The following CHAF1B variants were observed in gnomAD, a reference collection of about 807,000 sequenced individuals.
CHAF1B encodes the protein chromatin assembly factor 1 subunit B.
A neutral mutation model predicts 60.7 loss-of-function variants in CHAF1B; 10 were observed. The observed-to-expected ratio is 0.16, with a 90% CI of 0.10 to 0.28. The LOEUF (loss-of-function observed/expected upper bound fraction) is 0.28, where lower values mean the gene tolerates loss of function less well. CHAF1B is among the 10% of genes least tolerant of loss of function. The probability of loss-of-function intolerance (pLI) is 1.00; values close to 1 mark genes in which losing one functional copy is unlikely to be tolerated. For missense variants in CHAF1B, 558 were observed against 708.4 expected (o/e 0.79, Z 2.41); for synonymous variants, 261 against 266.1 (o/e 0.98, Z 0.19).
At chr21:36,408,095 G>A (rs978466173) in intron 8 of CHAF1B, among the ~76,000 whole-genome samples, 5 of 152,196 alleles carry the variant, frequency 3.3e-5, no homozygotes, top group Admixed American at 1.3e-4. Context: ...GTAAAGTTAC[G>A]TGTGTGTATA....
intron 12 of CHAF1B, among the ~76,000 whole-genome samples, chr21:36,413,620 C>A (rs144967460): frequency 1.3e-4 from 20 of 152,296 alleles, no homozygotes; most frequent in Admixed American, 1.1e-3. Context: ...CCTTCATCTC[C>A]GGCCTAGTCC....
chr21:36,388,651 G>C (rs1470742858), intron 3 of CHAF1B, among the ~76,000 whole-genome samples: 2 of 152,018 alleles, frequency 1.3e-5, no homozygotes, highest in Non-Finnish European at 2.9e-5. Context: ...ATTTTTAGTA[G>C]AGATGGGGTT....
chr21:36,396,114 C>T (rs1394208091), intron 5 of CHAF1B, among the ~76,000 whole-genome samples: 1 of 151,652 alleles, frequency 6.6e-6, no homozygotes, highest in Non-Finnish European at 1.5e-5. Context: ...ATTCTCCTGC[C>T]TCAGCCCTCA....
At position 36,416,694 on chromosome 21, in the gene CHAF1B, G is replaced by A; in HGVS notation, c.*328G>A. ...CTCGTGAAAGTGCACACACTTCATG[G>A]AGGGACTCCTTTTCAATAAGAATTA... On this transcript the variant is annotated 3_prime_UTR_variant, in exon 14 of 14. Transcript: ENST00000314103. 4.8e-6 allele frequency: 1 copy of A among 207,686 alleles called. No homozygotes were observed. The allele number at this position is 207,686 out of a possible 1,614,324, so 12.9% of individuals were successfully genotyped here. A position where few individuals can be genotyped will look rare whatever the true frequency, so the allele number is the denominator to read the frequency against.
chr21:36,406,533 G>T lies in CHAF1B; in HGVS notation c.758-2228G>T, dbSNP rs575734721. ...ACTTCTGATCTCAGGTGATCCACCC[G>T]CCTCAGCCTCCCAAAGTGCTGGGAT... On this transcript the variant is annotated intron_variant, in intron 8 of 13. Transcript: ENST00000314103. Among the ~76,000 whole-genome samples the T allele has an allele frequency of 9.9e-5, 15 of 152,168 alleles. No individual in the cohort carries two copies. The South Asian group carries it at 2.9e-3, about 29-fold the overall frequency.
chr21:36,399,480 C>A, intron 6 of CHAF1B, 41 bp from the exon 7 acceptor site: 1 of 1,524,290 alleles, frequency 6.6e-7, no homozygotes, highest in South Asian at 1.1e-5. Flanking sequence ...AAGCATAATT[C>A]ATTTACTAGA....
At chr21:36,415,857 A>G (rs1311568948) in intron 13 of CHAF1B, 1 of 353,008 alleles carries the variant, frequency 2.8e-6, no homozygotes, top group East Asian at 9.0e-5. Flanking sequence ...CGTTCAAGCA[A>G]TTCTCCTGCC....
rs187177775 is a variant in CHAF1B at position 36,386,590 on chromosome 21, C to T, written c.126+328C>T. Among the ~76,000 whole-genome samples, 42 of 152,284 alleles carry T rather than the reference C, an allele frequency of 2.8e-4. No individual in the cohort carries two copies. The Middle Eastern group carries it at 0.01, about 37-fold the overall frequency. On this transcript the variant is annotated intron_variant, in intron 2 of 13. Coordinates refer to ENST00000314103, the MANE Select transcript of CHAF1B (RefSeq NM_005441.3). ...TCCAGCCTGGGTGACAGAGCCAGAC[C>T]CTTCTCTTAAGTAAATGAATGAATG...
At chr21:36,409,187 G>A (rs1043613985) in intron 9 of CHAF1B, among the ~76,000 whole-genome samples, 187 bp from the exon 10 acceptor site, 2 of 142,292 alleles carry the variant, frequency 1.4e-5, no homozygotes, top group African/African-American at 5.3e-5. Flanking sequence ...TTTTAGTAGA[G>A]ATGGGGTTTC....
chr21:36,415,193 T>G (rs1371729997), intron 12 of CHAF1B, 102 bp from the exon 13 acceptor site: 1 of 714,648 alleles, frequency 1.4e-6, no homozygotes, highest in Non-Finnish European at 2.4e-6. Flanking sequence ...GCTGAAAATT[T>G]AAGTATTTCC....
chr21:36,405,957 T>TAA (rs150742914), intron 8 of CHAF1B, among the ~76,000 whole-genome samples: 3 of 148,226 alleles, frequency 2.0e-5, no homozygotes, highest in Non-Finnish European at 3.0e-5. Context: ...AAAGAAGTAT[T>TAA]AAAAAAAAAA....
intron 8 of CHAF1B, among the ~76,000 whole-genome samples, chr21:36,406,762 A>G (rs1601566003): frequency 6.6e-6 from 1 of 152,180 alleles, no homozygotes; most frequent in Admixed American, 6.6e-5. Context: ...TCAGGAATAT[A>G]ATACATTGTT....
At chr21:36,388,714 G>A (rs1457535381) in intron 3 of CHAF1B, among the ~76,000 whole-genome samples, 3 of 152,090 alleles carry the variant, frequency 2.0e-5, no homozygotes, top group Non-Finnish European at 2.9e-5. Context: ...CAATCTGCCT[G>A]CCTCGGCCTC....
intron 4 of CHAF1B, among the ~76,000 whole-genome samples, chr21:36,393,865 T>A (rs973569496): frequency 5.3e-5 from 8 of 152,144 alleles, no homozygotes; most frequent in Admixed American, 3.3e-4. Flanking sequence ...CTTATATTTT[T>A]GATAACTTGT....
At chr21:36,394,920 C>T (rs190579457) in intron 5 of CHAF1B, among the ~76,000 whole-genome samples, 30 of 151,504 alleles carry the variant, frequency 2.0e-4, no homozygotes, top group East Asian at 3.9e-4. Flanking sequence ...TTAGTAGAGA[C>T]GGGTTTCATC....
At chr21:36,389,044 G>C (rs940552524) in intron 3 of CHAF1B, 3 of 152,428 alleles carry the variant, frequency 2.0e-5, no homozygotes, top group Non-Finnish European at 4.4e-5. Flanking sequence ...CTCCAGCAGT[G>C]CCGGTCGGGG....
intron 8 of CHAF1B, among the ~76,000 whole-genome samples, chr21:36,405,934 C>A (rs1420360803): frequency 6.6e-6 from 1 of 151,000 alleles, no homozygotes; most frequent in Non-Finnish European, 1.5e-5. Flanking sequence ...AGAATAAATG[C>A]TGAAGAATAG....
Position 36,397,396 on chromosome 21 carries a change from G to C in CHAF1B, c.482-19G>C. The C allele has an allele frequency of 7.5e-7, 1 of 1,336,636 alleles. No homozygotes were observed. The highest frequency in any genetic ancestry group is 1.0e-6 in the Non-Finnish European group (1 of 953,784). The allele number at this position is 1,336,636 out of a possible 1,614,324, so 82.8% of individuals were successfully genotyped here. On this transcript the variant is annotated intron_variant, in intron 5 of 13. Coordinates refer to ENST00000314103, the MANE Select transcript of CHAF1B (RefSeq NM_005441.3). The stretch of plus-strand genomic sequence containing the variant: ...TTGGTAATGCTGTTTTGGTGCGTGT[G>C]TGTGTGTTTTTTTTGTAGGACAAAA...
intron 8 of CHAF1B, 59 bp downstream of exon 8, chr21:36,402,910 G>C: frequency 3.0e-6 from 4 of 1,344,450 alleles, no homozygotes; most frequent in Non-Finnish European, 4.3e-6. Flanking sequence ...GTCTGCTCCC[G>C]TTTTACGCTG....
Sources: gnomAD v4.1 joint callset for allele counts (sites outside exome capture counted in the v4.1 genomes callset) on GRCh38, gnomAD v4.1.1 for gene constraint, MANE v1.5 for transcripts, NCBI Gene and HGNC (gene_info 2026-07-23, HGNC 2026-07-21) for gene names.